Variants in KIF1C observed in about 807,000 individuals in gnomAD.
KIF1C encodes kinesin family member 1C, also known as kinesin-like protein KIF1C.
KIF1C carries 61 observed loss-of-function variants against 126.5 expected under a neutral mutation model. The observed-to-expected ratio is 0.48, with a 90% CI of 0.39 to 0.60. KIF1C has a LOEUF of 0.60. Among genes scored for constraint, KIF1C ranks in the 20% least tolerant of loss-of-function variants. The pLI is 0.00. For synonymous variants in KIF1C, 640 were observed against 580.6 expected (o/e 1.10, Z -1.47); for missense variants, 1,315 against 1,489.2 (o/e 0.88, Z 1.93).
intron 1 of KIF1C, among the ~76,000 whole-genome samples, chr17:4,998,510 G>C (rs1377108534): frequency 6.6e-6 from 1 of 152,142 alleles, no homozygotes; most frequent in African/African-American, 2.4e-5. Context: ...GCCGACCCCT[G>C]TCCCTACCTC....
At chr17:5,010,679 G>A (rs962187416) in intron 16 of KIF1C, among the ~76,000 whole-genome samples, 6 of 150,880 alleles carry the variant, frequency 4.0e-5, no homozygotes, top group African/African-American at 7.3e-5. Context: ...CCCGGGAGGC[G>A]GAGCTTGCAG....
intron 16 of KIF1C, among the ~76,000 whole-genome samples, chr17:5,008,211 G>T (rs1294333006): frequency 6.6e-6 from 1 of 152,228 alleles, no homozygotes; most frequent in African/African-American, 2.4e-5. Context: ...AAGGAGCAGG[G>T]CGGGAGAGGT....
At chr17:5,014,290 G>A (rs919805264) in intron 17 of KIF1C, 1 of 167,018 alleles carries the variant, frequency 6.0e-6, no homozygotes, top group African/African-American at 2.4e-5. Flanking sequence ...GTGGCTGAGG[G>A]TGCCCGTTTC....
At chr17:5,017,445 GCCCC>G (rs199936880) in intron 18 of KIF1C, among the ~76,000 whole-genome samples, 2 of 151,318 alleles carry the variant, frequency 1.3e-5, no homozygotes, top group Admixed American at 6.6e-5. Context: ...GACTACAGGC[GCCCC>G]CCCACCACCA....
chr17:5,024,096 G>C lies in KIF1C; in HGVS notation c.3257G>C (p.Arg1086Pro). The change falls in exon 23 of 23, where the codon CGA (arginine) becomes CCA (proline). Residue 1086 changes from arginine (R) to proline (P), a missense_variant. Arg to Pro is a moderately radical substitution (Grantham distance 103). Transcript: ENST00000320785. ...PRYPPYTTPP[R>P]MRRQRSAPDL... ...TACCCCCCATACACTACTCCCCCAC[G>C]AATGAGACGGCAGCGTTCTGCCCCT... 6.2e-7 allele frequency: 1 copy of C among 1,608,500 alleles called. No individual in the cohort carries two copies.
chr17:5,009,923 T>A (rs140715513), intron 16 of KIF1C, among the ~76,000 whole-genome samples: 1 of 152,108 alleles, frequency 6.6e-6, no homozygotes, highest in Non-Finnish European at 1.5e-5. Context: ...TAGTTGCATA[T>A]CTATTTTATT....
At chr17:5,015,126 G>A (rs1225722141) in intron 18 of KIF1C, among the ~76,000 whole-genome samples, 1 of 152,180 alleles carries the variant, frequency 6.6e-6, no homozygotes, top group African/African-American at 2.4e-5. Context: ...GGATTTTGCT[G>A]AAGAGAAGAT....
In KIF1C at chr17:5,003,604, G is replaced by C. The variant is rs1471313694; in HGVS notation, c.721-8G>C. On this transcript the variant is annotated splice_region_variant and splice_polypyrimidine_tract_variant and intron_variant, in intron 8 of 22. Coordinates refer to ENST00000320785, the MANE Select transcript of KIF1C (RefSeq NM_006612.6). ...ACCTTATCTCCTGCCTGTTTCCTCT[G>C]ACCCCAGGTCAGTAAGATCAGTTTG... 1 of 1,607,942 alleles carries C rather than the reference G, an allele frequency of 6.2e-7. No individual in the cohort carries two copies. The highest frequency in any genetic ancestry group is 1.1e-5 in the South Asian group (1 of 90,438).
intron 16 of KIF1C, 114 bp downstream of exon 16, chr17:5,007,656 C>A: frequency 1.3e-6 from 1 of 749,832 alleles, no homozygotes; most frequent in Non-Finnish European, 2.1e-6. Context: ...AGGTCCCCGG[C>A]TTGTCCCTCC....
chr17:5,004,416 T>G lies in KIF1C; in HGVS notation c.941-151T>G. ...CCTCATCCCCTCCCATAACCAGATGTCATGGTTAGCTCCACCCCGCTAGAC... is the reference window on the plus strand; with the variant it reads ...CCTCATCCCCTCCCATAACCAGATGGCATGGTTAGCTCCACCCCGCTAGAC... On this transcript the variant is annotated intron_variant, in intron 11 of 22. Coordinates refer to ENST00000320785, the MANE Select transcript of KIF1C (RefSeq NM_006612.6). 8 of 718,826 alleles carry G rather than the reference T, an allele frequency of 1.1e-5. No homozygotes were observed. In the South Asian group the frequency reaches 1.2e-4, roughly 10 times the overall value. 44.5% of individuals were successfully genotyped at this position (718,826 alleles called of 1,614,324 possible).
chr17:5,001,660 C>CT (rs1422306600), intron 5 of KIF1C, among the ~76,000 whole-genome samples: 2 of 152,236 alleles, frequency 1.3e-5, no homozygotes, highest in Non-Finnish European at 2.9e-5. Flanking sequence ...AGTTTTACGA[C>CT]TTACTACTGT....
intron 16 of KIF1C, among the ~76,000 whole-genome samples, chr17:5,008,621 T>C (rs911644621): frequency 2.0e-5 from 3 of 152,222 alleles, no homozygotes; most frequent in African/African-American, 7.2e-5. Context: ...CAGGGATCAC[T>C]GAACCCCTGT....
rs191324838 is a variant in KIF1C, at chr17:5,023,335, C to G, written c.2629-133C>G. 5.4e-6 allele frequency: 4 copies of G among 737,964 alleles called. No homozygotes were observed. The highest frequency in any genetic ancestry group is 4.5e-6 in the Non-Finnish European group (2 of 447,988). The allele number at this position is 737,964 out of a possible 1,614,324, so 45.7% of individuals were successfully genotyped here. Reference sequence around the variant, plus strand: ...CGCCCGGCCCTAAACCACTATTTTTCGAGCTTCCTTATCTCTAGGCTTTTC... The same window carrying G: ...CGCCCGGCCCTAAACCACTATTTTTGGAGCTTCCTTATCTCTAGGCTTTTC... On this transcript the variant is annotated intron_variant, in intron 22 of 22. Transcript: ENST00000320785. This position sits in a 1 kb window ranked among gnomAD's most constrained non-coding sequence, Gnocchi z 4.2.
chr17:5,001,363 G>C lies in KIF1C; in HGVS notation c.325G>C (p.Gly109Arg), dbSNP rs1292427447. ...GGCTGGGAAATCCTATACCATGATG[G>C]GGCGACAGGAGCCAGGGCAGCAGGG... Reference protein sequence around the residue: ...TGAGKSYTMMGRQEPGQQGIV... With the variant: ...TGAGKSYTMMRRQEPGQQGIV... The change falls in exon 5 of 23, where the codon GGG becomes CGG. Residue 109 changes from glycine to arginine, a missense_variant. Gly to Arg is a moderately radical substitution (Grantham distance 125, BLOSUM62 -2). Around this residue, in one of 2 missense-constraint regions of KIF1C, gnomAD observed 874 missense variants for 1,053.2 expected, o/e 0.83. Transcript: ENST00000320785. 1 of 1,613,970 alleles carries C rather than the reference G, an allele frequency of 6.2e-7. No homozygotes were observed. Among genetic ancestry groups the C allele is most frequent in the Admixed American group, 1.7e-5 (1 of 60,004 alleles).
At chr17:5,014,598 C>A (rs1235102440) in intron 17 of KIF1C, 145 bp from the exon 18 acceptor site, 9 of 661,486 alleles carry the variant, frequency 1.4e-5, no homozygotes. Context: ...CCCGGGCAAG[C>A]CATTTCACCT....
chr17:4,999,861 G>A lies in KIF1C; in HGVS notation c.-137G>A, dbSNP rs1461825861. ...TCCCCCGCAATCAGGGTATCTCCCA[G>A]AGCCCCAGCTGGTGTGGCCAGGCCC... On this transcript the variant is annotated 5_prime_UTR_variant, in exon 2 of 23. Coordinates refer to ENST00000320785, the MANE Select transcript of KIF1C (RefSeq NM_006612.6). 4.8e-6 allele frequency: 1 copy of A among 210,008 alleles called. No homozygotes were observed. The highest frequency in any genetic ancestry group is 9.8e-6 in the Non-Finnish European group (1 of 102,420). The allele number at this position is 210,008 out of a possible 1,614,324, so 13.0% of individuals were successfully genotyped here.
At chr17:5,013,769 C>T in intron 17 of KIF1C, 37 bp downstream of exon 17, 1 of 1,553,108 alleles carries the variant, frequency 6.4e-7, no homozygotes, top group South Asian at 1.1e-5. Context: ...GCAGCCTCTG[C>T]TTTTGGGGTG....
Position 5,000,337 on chromosome 17 carries a change from C to T in KIF1C, c.91C>T (p.Gln31Ter). 1 of 1,585,980 alleles carries T rather than the reference C, an allele frequency of 6.3e-7. No individual in the cohort carries two copies. Among genetic ancestry groups the T allele is most frequent in the Non-Finnish European group, 8.6e-7 (1 of 1,167,148 alleles). Residue 31 changes from glutamine (Q) to a stop codon, truncating the protein, a stop_gained, in exon 3 of 23, where the codon CAG (glutamine) becomes TAG (stop). Coordinates refer to ENST00000320785, the MANE Select transcript of KIF1C (RefSeq NM_006612.6). LOFTEE classifies it high-confidence loss of function. The part of the protein sequence containing the change: ...SQDAKCVVSM[Q>*]GNTTSIINPK... The stretch of plus-strand genomic sequence containing the variant: ...GGATGCCAAGTGTGTGGTCAGCATG[C>T]AGGGCAACACCACCTGTGAGTGAGT...
Position 5,022,577 on chromosome 17 carries a change from C to T in KIF1C, c.2496C>T (p.Asp832=), listed in dbSNP as rs752449416. 3.8e-6 allele frequency: 6 copies of T among 1,598,818 alleles called. No homozygotes were observed. The highest frequency in any genetic ancestry group is 3.4e-6 in the Non-Finnish European group (4 of 1,172,642). ...GAGCCCGAGGGGCGGAGGTGGAGGA[C>T]CTCCGGGCCCACATCGACAAGCTGA... ...EEGARGAEVE[D]LRAHIDKLTG... The change falls in exon 22 of 23, where the codon GAC becomes GAT. Residue 832 remains aspartate, a synonymous_variant. Transcript: ENST00000320785. This position sits in a 1 kb window ranked among gnomAD's most constrained non-coding sequence, Gnocchi z 4.9.
Sources: gnomAD v4.1 joint callset for allele counts (sites outside exome capture counted in the v4.1 genomes callset) on GRCh38, gnomAD v4.1.1 for gene constraint, gnomAD v4.1.1 regional missense constraint, Gnocchi (gnomAD v3.1) non-coding constraint, MANE v1.5 for transcripts, NCBI Gene and HGNC (gene_info 2026-07-23, HGNC 2026-07-21) for gene names.